Variants in TENM2 observed in about 807,000 individuals in gnomAD.
TENM2 encodes the protein teneurin transmembrane protein 2, also known as teneurin-2.
In TENM2, 52 loss-of-function variants were observed where a neutral mutation model predicts 245.2. The observed-to-expected ratio is 0.21, with a 90% CI of 0.17 to 0.27. The LOEUF is 0.27. Ranked by LOEUF, TENM2 falls within the 10% of genes least tolerant of loss-of-function variation. The pLI, the probability that TENM2 is intolerant of heterozygous loss-of-function variation, is 1.00. For missense variants in TENM2, 3,046 were observed against 3,666.8 expected, an observed-to-expected ratio of 0.83 and a Z score of 4.37; for synonymous variants, 1,363 against 1,438.9, an observed-to-expected ratio of 0.95 and a Z score of 1.19.
At chr5:167,484,235 C>T (rs952798369) in intron 2 of TENM2, among the ~76,000 whole-genome samples, 1 of 152,096 alleles carries the variant, frequency 6.6e-6, no homozygotes, top group African/African-American at 2.4e-5. Context: ...ATCCTAGCTA[C>T]TCGGGAGGCT....
intron 2 of TENM2, among the ~76,000 whole-genome samples, chr5:167,746,337 G>A (rs527847756): frequency 1.3e-5 from 2 of 152,198 alleles, no homozygotes; most frequent in African/African-American, 2.4e-5. Context: ...TATTCTCTTC[G>A]AAATTACAGC....
chr5:167,382,039 A>G (rs1761123605), intron 2 of TENM2, among the ~76,000 whole-genome samples: 1 of 152,192 alleles, frequency 6.6e-6, no homozygotes, highest in Admixed American at 6.5e-5. Flanking sequence ...GAAGTAGTAG[A>G]TGCCCTGAAG....
chr5:167,803,900 A>T (rs1288191656), intron 2 of TENM2, among the ~76,000 whole-genome samples: 2 of 152,266 alleles, frequency 1.3e-5, no homozygotes, highest in Non-Finnish European at 2.9e-5. Flanking sequence ...ATTTCTAATT[A>T]ACATACAAAA....
chr5:167,572,547 A>T (rs1209824523), intron 2 of TENM2, among the ~76,000 whole-genome samples: 1 of 152,196 alleles, frequency 6.6e-6, no homozygotes, highest in Non-Finnish European at 1.5e-5. Context: ...AGCTCTGCTT[A>T]CCATGAAAGG....
At chr5:167,573,614 C>A (rs1215303833) in intron 2 of TENM2, among the ~76,000 whole-genome samples, 2 of 151,908 alleles carry the variant, frequency 1.3e-5, no homozygotes, top group Non-Finnish European at 2.9e-5. Flanking sequence ...CTTTGATGCA[C>A]ATACGTTGTC....
At chr5:167,156,944 G>T in the TENM2 span, among the ~76,000 whole-genome samples, 1 of 152,166 alleles carries the variant, frequency 6.6e-6, no homozygotes, top group African/African-American at 2.4e-5. Flanking sequence ...GTGACCTGTT[G>T]TTTACATAAT....
chr5:167,067,136 G>A, the TENM2 span, among the ~76,000 whole-genome samples: 5 of 152,048 alleles, frequency 3.3e-5, no homozygotes, highest in African/African-American at 7.2e-5. Context: ...AATTGGTCTC[G>A]TATTTATTCA....
At chr5:167,195,366 T>G in the TENM2 span, among the ~76,000 whole-genome samples, 1 of 152,042 alleles carries the variant, frequency 6.6e-6, no homozygotes, top group Non-Finnish European at 1.5e-5. Flanking sequence ...ACAGAAAAGT[T>G]GGAAGCTTTT....
rs541700453 is a variant in TENM2 at position 168,038,465 on chromosome 5, C to A, written c.1187-8962C>A. Among the ~76,000 whole-genome samples the A allele has an allele frequency of 8.7e-4, 133 of 152,190 alleles. 1 individual carries two copies. Among genetic ancestry groups the A allele is most frequent in the Non-Finnish European group, 1.7e-3 (119 of 68,028 alleles). On this transcript the variant is annotated intron_variant, in intron 5 of 28. Coordinates refer to ENST00000518659, the Ensembl canonical transcript of TENM2. ...CTGCCCCACCTACCAACCCTGTCAA[C>A]ACCTTTATGCCTCCACTCCTTCCTC...
chr5:167,627,176 T>C (rs937463528), intron 2 of TENM2, among the ~76,000 whole-genome samples: 2 of 152,238 alleles, frequency 1.3e-5, no homozygotes, highest in Admixed American at 6.5e-5. Flanking sequence ...ACCACTCTAA[T>C]GAATTAATCC....
At chr5:167,793,588 AT>A (rs1765120736) in intron 2 of TENM2, among the ~76,000 whole-genome samples, 1 of 152,116 alleles carries the variant, frequency 6.6e-6, no homozygotes, top group Admixed American at 6.6e-5. Flanking sequence ...TAACCCTAGC[AT>A]TTTGGGAGGC....
At chr5:167,358,764 A>G (rs1759506579) in intron 1 of TENM2, among the ~76,000 whole-genome samples, 1 of 150,600 alleles carries the variant, frequency 6.6e-6, no homozygotes, top group African/African-American at 2.4e-5. Flanking sequence ...TCAAACACCC[A>G]AAGTAAACTC....
At chr5:167,781,788 G>A (rs1327188858) in intron 2 of TENM2, among the ~76,000 whole-genome samples, 2 of 152,056 alleles carry the variant, frequency 1.3e-5, no homozygotes, top group African/African-American at 4.8e-5. Context: ...CACTTTGGGA[G>A]GCCAGATGGC....
the TENM2 span, among the ~76,000 whole-genome samples, chr5:167,212,190 A>T: frequency 6.6e-6 from 1 of 152,142 alleles, no homozygotes; most frequent in Non-Finnish European, 1.5e-5. Flanking sequence ...GAGGGAAGTG[A>T]AACAGCTCTA....
chr5:168,200,899 G>A (rs764348909), intron 17 of TENM2, among the ~76,000 whole-genome samples: 23 of 152,258 alleles, frequency 1.5e-4, no homozygotes, highest in African/African-American at 2.9e-4. Context: ...ACCAATAGTC[G>A]TGTGTATTTT....
intron 27 of TENM2, among the ~76,000 whole-genome samples, chr5:168,254,541 G>A (rs959582453): frequency 6.6e-6 from 1 of 151,980 alleles, no homozygotes; most frequent in Admixed American, 6.6e-5. Context: ...AGGAAGAATA[G>A]AAAGAAAAGT....
intron 1 of TENM2, among the ~76,000 whole-genome samples, chr5:167,294,944 C>T (rs1430606801): frequency 2.0e-5 from 3 of 152,158 alleles, no homozygotes; most frequent in Non-Finnish European, 4.4e-5. Context: ...CTGTGGTTCA[C>T]GTCTTTGGTG....
intron 6 of TENM2, 71 bp downstream of exon 8, chr5:168,047,620 G>C (rs1788720154): frequency 2.7e-6 from 4 of 1,506,058 alleles, no homozygotes; most frequent in Admixed American, 4.6e-5. Context: ...GCTGGTTCAG[G>C]TTTTCTAATC....
At chr5:167,035,012 A>C in the TENM2 span, among the ~76,000 whole-genome samples, 8 of 152,226 alleles carry the variant, frequency 5.3e-5, no homozygotes, top group South Asian at 6.2e-4. Flanking sequence ...GGGGTACATT[A>C]AACAATCAGT....
Sources: allele counts gnomAD v4.1 joint callset (sites outside exome capture counted in the v4.1 genomes callset), GRCh38; gene constraint gnomAD v4.1.1; transcripts MANE v1.5; gene names NCBI Gene and HGNC (gene_info 2026-07-23, HGNC 2026-07-21).